CPNE4: variants seen among roughly 807,000 people sequenced by gnomAD.
CPNE4 encodes copine 4.
A neutral mutation model predicts 67.9 loss-of-function variants in CPNE4; 25 were observed. The observed-to-expected ratio is 0.37, with a 90% CI of 0.27 to 0.51. The LOEUF is 0.51. CPNE4 is among the 20% of genes least tolerant of loss of function. The pLI is 0.93. For synonymous variants in CPNE4, 242 were observed against 244.9 expected (o/e 0.99, Z 0.11); for missense variants, 464 against 690.8 (o/e 0.67, Z 3.68).
chr3:131,856,612 G>A (rs2086454645), intron 2 of CPNE4, among the ~76,000 whole-genome samples: 1 of 151,906 alleles, frequency 6.6e-6, no homozygotes, highest in Non-Finnish European at 1.5e-5. Context: ...CATGTGGATG[G>A]GAAACATGGT....
At chr3:131,626,416 A>T (rs1442300642) in intron 7 of CPNE4, among the ~76,000 whole-genome samples, 1 of 152,228 alleles carries the variant, frequency 6.6e-6, no homozygotes, top group East Asian at 1.9e-4. Context: ...CTTTTTGCTG[A>T]TAGGGAGAAA....
Position 131,542,674 on chromosome 3 carries a change from G to GT in CPNE4, c.1421dup (p.Asn474LysfsTer3). On this transcript the variant is annotated frameshift_variant, in exon 15 of 16. Coordinates refer to ENST00000429747, the MANE Select transcript of CPNE4 (RefSeq NM_130808.3). LOFTEE classifies it high-confidence loss of function. ...GCATCTGCATGTCACTGAAGTCAGC[G>GT]TTCCCTACTCCCACGATGATGACTG... 6.2e-7 allele frequency: 1 copy of GT among 1,613,960 alleles called. No individual in the cohort carries two copies. The highest frequency in any genetic ancestry group is 8.5e-7 in the Non-Finnish European group (1 of 1,179,932).
intron 7 of CPNE4, among the ~76,000 whole-genome samples, chr3:131,644,865 G>T (rs1414938464): frequency 6.6e-6 from 1 of 152,138 alleles, no homozygotes; most frequent in Non-Finnish European, 1.5e-5. Flanking sequence ...TTCCAGTAGT[G>T]GTCAGAAGCA....
intron 1 of CPNE4, among the ~76,000 whole-genome samples, chr3:132,012,172 C>CAT (rs1345723171): frequency 1.2e-5 from 1 of 85,654 alleles, no homozygotes; most frequent in Non-Finnish European, 2.4e-5. Flanking sequence ...TTTGCTTTTT[C>CAT]GTTTTTTTTT....
intron 1 of CPNE4, among the ~76,000 whole-genome samples, chr3:131,934,757 A>C (rs2071174372): frequency 1.3e-5 from 2 of 152,204 alleles, no homozygotes; most frequent in African/African-American, 4.8e-5. Context: ...AAGCAGAGAC[A>C]AAGCTGTGGG....
intron 2 of CPNE4, among the ~76,000 whole-genome samples, chr3:131,817,396 T>C (rs563017318): frequency 5.9e-5 from 9 of 152,266 alleles, no homozygotes; most frequent in African/African-American, 2.2e-4. Context: ...AATATATCTG[T>C]TATATTCAAG....
intron 2 of CPNE4, among the ~76,000 whole-genome samples, chr3:131,882,148 AC>A (rs2087696102): frequency 6.6e-6 from 1 of 152,062 alleles, no homozygotes; most frequent in Non-Finnish European, 1.5e-5. Flanking sequence ...ACACACACAC[AC>A]ACACACACAC....
At chr3:131,982,461 A>T (rs2107638394) in intron 1 of CPNE4, among the ~76,000 whole-genome samples, 1 of 152,334 alleles carries the variant, frequency 6.6e-6, no homozygotes, top group Middle Eastern at 3.4e-3. Context: ...CTAGACTGAG[A>T]AACTGAAGCC....
intron 2 of CPNE4, among the ~76,000 whole-genome samples, chr3:131,784,755 C>A (rs1202034975): frequency 6.6e-6 from 1 of 152,070 alleles, no homozygotes; most frequent in African/African-American, 2.4e-5. Context: ...CTGACATCAC[C>A]CCTCAAATAA....
chr3:131,718,464 C>T (rs1048928008), intron 3 of CPNE4, among the ~76,000 whole-genome samples: 32 of 152,196 alleles, frequency 2.1e-4, no homozygotes, highest in African/African-American at 5.3e-4. Flanking sequence ...CGCTCACCCA[C>T]GCTAAGTCAC....
In CPNE4 at chr3:131,557,029, A is replaced by G. The variant is rs191782293; in HGVS notation, c.1062-1478T>C. Among the ~76,000 whole-genome samples, 40 of 152,198 alleles carry G rather than the reference A, an allele frequency of 2.6e-4. No individual in the cohort carries two copies. In the East Asian group the frequency reaches 6.6e-3, roughly 25 times the overall value. On this transcript the variant is annotated intron_variant, in intron 11 of 15. Transcript: ENST00000429747. ...TACCAAGGAGAATTGTGTGATTCCA[A>G]AGCCCATACCTTTCTGTTATACCAT...
chr3:131,896,585 G>A (rs1358882387), intron 2 of CPNE4, among the ~76,000 whole-genome samples: 2 of 152,100 alleles, frequency 1.3e-5, no homozygotes, highest in Non-Finnish European at 2.9e-5. Context: ...TCTTGGCACA[G>A]TTTGCACAGA....
chr3:131,901,939 G>T (rs1044656033), intron 2 of CPNE4, among the ~76,000 whole-genome samples: 14 of 152,064 alleles, frequency 9.2e-5, no homozygotes, highest in African/African-American at 2.9e-4. Flanking sequence ...ACACATGACT[G>T]CTCCAGCCCT....
chr3:131,978,903 C>G (rs766269675), intron 1 of CPNE4, among the ~76,000 whole-genome samples: 4 of 151,770 alleles, frequency 2.6e-5, no homozygotes, highest in Non-Finnish European at 5.9e-5. Context: ...TATTGTTGTT[C>G]AGTTTGAAGA....
intron 7 of CPNE4, among the ~76,000 whole-genome samples, chr3:131,668,781 A>G (rs1393101476): frequency 2.0e-5 from 3 of 152,152 alleles, no homozygotes; most frequent in African/African-American, 7.2e-5. Context: ...ATCTCCTGAA[A>G]TCTGCTCCTG....
chr3:131,632,521 G>A (rs939590509), intron 7 of CPNE4, among the ~76,000 whole-genome samples: 3 of 152,088 alleles, frequency 2.0e-5, no homozygotes, highest in Admixed American at 2.0e-4. Context: ...TAAATTCAAA[G>A]AGCAATTTTC....
intron 2 of CPNE4, among the ~76,000 whole-genome samples, chr3:131,757,545 A>G (rs1480329164): frequency 6.6e-6 from 1 of 152,200 alleles, no homozygotes; most frequent in Non-Finnish European, 1.5e-5. Context: ...AGCACAGCAT[A>G]AAAGTTCAGA....
chr3:131,834,740 T>C (rs1471918947), intron 2 of CPNE4, among the ~76,000 whole-genome samples: 1 of 152,134 alleles, frequency 6.6e-6, no homozygotes, highest in African/African-American at 2.4e-5. Flanking sequence ...AGAAAAAAAC[T>C]ATAGATTTAT....
chr3:132,019,466 C>A (rs966095715), intron 1 of CPNE4, among the ~76,000 whole-genome samples: 2 of 151,986 alleles, frequency 1.3e-5, no homozygotes, highest in Non-Finnish European at 2.9e-5. Flanking sequence ...AAATCTGTGA[C>A]AAAATGCATC....
Sources: gnomAD v4.1 joint callset for allele counts (sites outside exome capture counted in the v4.1 genomes callset) on GRCh38, gnomAD v4.1.1 for gene constraint, MANE v1.5 for transcripts, NCBI Gene and HGNC (gene_info 2026-07-23, HGNC 2026-07-21) for gene names.